IMPG1: variants seen among roughly 807,000 people sequenced by gnomAD.
The protein encoded by IMPG1 is interphotoreceptor matrix proteoglycan of 150 kDa.
Under a neutral mutation model 92.0 loss-of-function variants are expected in IMPG1, and 85 were observed. The observed-to-expected ratio is 0.92, with a 90% confidence interval of 0.78 to 1.11. The LOEUF (loss-of-function observed/expected upper bound fraction) is 1.11. Among genes scored for constraint, IMPG1 ranks in the 50% least tolerant of loss-of-function variants. The probability of loss-of-function intolerance (pLI) is 0.00; values close to 1 mark genes in which losing one functional copy is unlikely to be tolerated. For synonymous variants in IMPG1, 367 were observed against 334.1 expected, an observed-to-expected ratio of 1.10 and a Z score of -1.08; for missense variants, 1,022 against 956.0, an observed-to-expected ratio of 1.07 and a Z score of -0.91.
At chr6:76,059,919 A>T (rs1277891064) in intron 1 of IMPG1, among the ~76,000 whole-genome samples, 1 of 152,220 alleles carries the variant, frequency 6.6e-6, no homozygotes, top group Non-Finnish European at 1.5e-5. Flanking sequence ...ACTTAATTAA[A>T]TGTATCATTT....
chr6:76,015,186 A>T (rs1278503680), intron 7 of IMPG1, among the ~76,000 whole-genome samples: 1 of 152,198 alleles, frequency 6.6e-6, no homozygotes, highest in Non-Finnish European at 1.5e-5. Context: ...ATTTGTATTA[A>T]ATTGCTCATT....
intron 12 of IMPG1, among the ~76,000 whole-genome samples, chr6:75,987,301 C>CT (rs201510997): frequency 0.33 from 46,928 of 142,970 alleles, 7,774 homozygotes; most frequent in East Asian, 0.51. Flanking sequence ...GACACACAGT[C>CT]TTTTTTTTTT....
At chr6:76,052,593 G>C (rs1028154773) in intron 1 of IMPG1, among the ~76,000 whole-genome samples, 15 of 151,956 alleles carry the variant, frequency 9.9e-5, no homozygotes, top group African/African-American at 2.9e-4. Flanking sequence ...CTGTGCCAGG[G>C]GTTGTGAGAA....
intron 7 of IMPG1, among the ~76,000 whole-genome samples, chr6:76,017,034 C>T (rs188322557): frequency 3.8e-3 from 578 of 152,102 alleles, no homozygotes; most frequent in Non-Finnish European, 5.8e-3. Flanking sequence ...GGGAACTTTC[C>T]ATGTTGAAGT....
intron 1 of IMPG1, among the ~76,000 whole-genome samples, chr6:76,068,196 G>A (rs948902277): frequency 6.6e-6 from 1 of 151,810 alleles, no homozygotes; most frequent in African/African-American, 2.4e-5. Context: ...AGAGTAATCA[G>A]GCAAAAGAAA....
intron 2 of IMPG1, among the ~76,000 whole-genome samples, 174 bp downstream of exon 2, chr6:76,041,719 C>T (rs1371700178): frequency 6.6e-6 from 1 of 152,176 alleles, no homozygotes; most frequent in Non-Finnish European, 1.5e-5. Context: ...TGATATCTAC[C>T]ATAGTTTTGA....
At chr6:75,952,877 C>T (rs1367452214) in intron 12 of IMPG1, among the ~76,000 whole-genome samples, 3 of 152,166 alleles carry the variant, frequency 2.0e-5, no homozygotes, top group Admixed American at 2.0e-4. Context: ...AATCTGCAAG[C>T]ACCTTGATCT....
rs564568429 is a variant in IMPG1, at chr6:76,011,295, C to A, written c.808-71G>T. ...GTCAGTTCTTGCCTAACTGAAAAAC[C>A]TGAACACTTTTGATGAGTTAGGGGA... On this transcript the variant is annotated intron_variant, in intron 7 of 16. Transcript: ENST00000369950. 64 of 763,268 alleles carry A rather than the reference C, an allele frequency of 8.4e-5. No individual in the cohort carries two copies. The East Asian group carries it at 1.6e-3, about 19-fold the overall frequency. 47.3% of individuals were successfully genotyped at this position (763,268 alleles called of 1,614,324 possible). A position where few individuals can be genotyped will look rare whatever the true frequency, so the allele number is the denominator to read the frequency against.
chr6:76,071,681 T>C (rs1388964459), intron 1 of IMPG1, among the ~76,000 whole-genome samples: 1 of 152,126 alleles, frequency 6.6e-6, no homozygotes, highest in East Asian at 1.9e-4. Flanking sequence ...AAGAAATTCT[T>C]AACCTTATTG....
In IMPG1 at chr6:75,947,401, C is replaced by G. The variant is rs573887374; in HGVS notation, c.1957G>C (p.Val653Leu). Residue 653 changes from valine to leucine, a missense_variant, in exon 14 of 17, where the codon GTG becomes CTG. Physicochemically the swap from Val to Leu is conservative, Grantham distance 32 (BLOSUM62 1). Around this residue, in one of 3 missense-constraint regions of IMPG1, gnomAD observed 332 missense variants for 346.2 expected, o/e 0.96. Transcript: ENST00000369950. ...CGAAAATCCTCCAAGACCCCGTGCA[C>G]AGCCTTGGTGAGGTTATACGGCACT... Reference protein sequence around the residue: ...KSVPYNLTKAVHGVLEDFRSA... With the variant: ...KSVPYNLTKALHGVLEDFRSA... The G allele has an allele frequency of 6.2e-7, 1 of 1,613,898 alleles. No homozygotes were observed. The highest frequency in any genetic ancestry group is 2.2e-5 in the East Asian group (1 of 44,866).
chr6:75,954,965 G>A (rs1394563504), intron 12 of IMPG1, among the ~76,000 whole-genome samples: 1 of 152,074 alleles, frequency 6.6e-6, no homozygotes, highest in Non-Finnish European at 1.5e-5. Context: ...CTGTTCCATT[G>A]GTCTATGTAT....
intron 14 of IMPG1, among the ~76,000 whole-genome samples, chr6:75,934,277 T>G (rs941465440): frequency 6.6e-6 from 1 of 152,202 alleles, no homozygotes; most frequent in Non-Finnish European, 1.5e-5. Context: ...GCTCCAATGT[T>G]TTTTCCTGTT....
At chr6:76,050,007 G>T (rs965795657) in intron 1 of IMPG1, among the ~76,000 whole-genome samples, 1 of 152,136 alleles carries the variant, frequency 6.6e-6, no homozygotes, top group Admixed American at 6.5e-5. Context: ...CGAATATATA[G>T]ACAGGGAAAT....
chr6:76,066,981 A>T (rs925596429), intron 1 of IMPG1, among the ~76,000 whole-genome samples: 2 of 151,884 alleles, frequency 1.3e-5, no homozygotes, highest in Non-Finnish European at 2.9e-5. Flanking sequence ...CACGGAAATT[A>T]AAAAAAATTG....
intron 14 of IMPG1, among the ~76,000 whole-genome samples, chr6:75,942,072 G>T (rs1353857232): frequency 1.3e-5 from 2 of 152,084 alleles, no homozygotes; most frequent in Non-Finnish European, 2.9e-5. Context: ...AGGGTGAAAG[G>T]GTAAGAAATC....
intron 12 of IMPG1, among the ~76,000 whole-genome samples, chr6:75,997,842 A>G (rs1344194520): frequency 1.3e-5 from 2 of 152,234 alleles, no homozygotes; most frequent in South Asian, 2.1e-4. Flanking sequence ...ATGCATAGCA[A>G]TACTTTCAAT....
chr6:76,003,356 C>T (rs1244081025), intron 11 of IMPG1, among the ~76,000 whole-genome samples: 1 of 152,052 alleles, frequency 6.6e-6, no homozygotes, highest in African/African-American at 2.4e-5. Context: ...CAACTTCTGG[C>T]ATAAATTAAA....
chr6:76,000,242 CAG>C (rs541130368), intron 12 of IMPG1, among the ~76,000 whole-genome samples: 80 of 152,296 alleles, frequency 5.3e-4, no homozygotes, highest in Non-Finnish European at 7.5e-4. Flanking sequence ...ATTTTTCCTA[CAG>C]AGTTATCTTA....
intron 15 of IMPG1, among the ~76,000 whole-genome samples, chr6:75,925,186 C>A (rs1781529879): frequency 6.6e-6 from 1 of 152,012 alleles, no homozygotes; most frequent in African/African-American, 2.4e-5. Context: ...TTGATCATTG[C>A]ACAATGTATA....
Sources: allele counts gnomAD v4.1 joint callset (sites outside exome capture counted in the v4.1 genomes callset), GRCh38; gene constraint gnomAD v4.1.1; regional missense constraint gnomAD v4.1.1; transcripts MANE v1.5; gene names NCBI Gene and HGNC (gene_info 2026-07-23, HGNC 2026-07-21).